Variants in COL5A2 observed in about 807,000 individuals in gnomAD.
COL5A2 encodes the protein collagen type V alpha 2 chain, also known as collagen alpha-2(V) chain.
COL5A2 carries 23 observed loss-of-function variants against 208.2 expected under a neutral mutation model. The ratio of observed to expected loss-of-function variants is 0.11; its 90% CI spans 0.08 to 0.16. The LOEUF is 0.16. COL5A2 is among the 10% of genes least tolerant of loss of function. The pLI is 1.00. For missense variants in COL5A2, 1,590 were observed against 1,956.4 expected (o/e 0.81, Z 3.53); for synonymous variants, 625 against 628.5 (o/e 0.99, Z 0.08).
Position 189,065,033 on chromosome 2 carries a change from G to A in COL5A2, c.1588C>T (p.Pro530Ser), listed in dbSNP as rs772872008. 6.2e-7 allele frequency: 1 copy of A among 1,613,828 alleles called. No individual in the cohort carries two copies. Among genetic ancestry groups the A allele is most frequent in the South Asian group, 1.1e-5 (1 of 91,030 alleles). Residue 530 changes from proline (P) to serine (S), a missense_variant, in exon 24 of 54, where the codon CCA (proline) becomes TCA (serine). Coordinates refer to ENST00000374866, the MANE Select transcript of COL5A2 (RefSeq NM_000393.5). ...GGCCCAGGTAAACCATCAGAGCCTG[G>A]AAAACCACGATTGCCAGGAGCACCC... is the stretch of plus-strand genomic sequence containing the variant. ...ERGAPGNRGF[P>S]GSDGLPGPKG...
At chr2:189,292,696 C>T in the COL5A2 span, among the ~76,000 whole-genome samples, 12 of 152,260 alleles carry the variant, frequency 7.9e-5, no homozygotes, top group South Asian at 2.1e-4. Context: ...GTCAGTGTGG[C>T]GATTCCTCAG....
At position 189,173,380 on chromosome 2, in the gene COL5A2, C is replaced by A. The variant is rs139722649; in HGVS notation, c.97+6128G>T. On this transcript the variant is annotated intron_variant, in intron 1 of 53. Coordinates refer to ENST00000374866, the MANE Select transcript of COL5A2 (RefSeq NM_000393.5). ...AATATTTTAGTATAAGATGAAGCCA[C>A]CTTGATTTATTTGAAGGGTTTAGTT... is the stretch of plus-strand genomic sequence containing the variant. Among the ~76,000 whole-genome samples the A allele has an allele frequency of 5.9e-5, 9 of 152,144 alleles. No individual in the cohort carries two copies. In the East Asian group the frequency reaches 1.7e-3, roughly 29 times the overall value.
At chr2:189,229,782 A>C (rs1689458535), upstream of COL5A2, among the ~76,000 whole-genome samples, 1 of 151,840 alleles carries the variant, frequency 6.6e-6, no homozygotes, top group African/African-American at 2.4e-5. Context: ...ATTTAATACA[A>C]TCTCTATCAA....
At chr2:189,193,042 C>T (rs1209845250) in intron 1 of COL5A2, among the ~76,000 whole-genome samples, 2 of 152,226 alleles carry the variant, frequency 1.3e-5, no homozygotes, top group African/African-American at 4.8e-5. Context: ...TACCTTCTGC[C>T]ATGGGATGAC....
chr2:189,274,377 C>A, the COL5A2 span, among the ~76,000 whole-genome samples: 1 of 152,148 alleles, frequency 6.6e-6, no homozygotes, highest in Non-Finnish European at 1.5e-5. Context: ...CATCACACAA[C>A]ACATAGCATT....
intron 24 of COL5A2, 122 bp from the exon 25 acceptor site, chr2:189,064,777 A>G: frequency 1.2e-6 from 1 of 851,614 alleles, no homozygotes; most frequent in South Asian, 1.4e-5. Flanking sequence ...AGGCACTGAT[A>G]TAACGTATAA....
the COL5A2 span, among the ~76,000 whole-genome samples, chr2:189,398,495 AC>A: frequency 1.3e-5 from 2 of 152,070 alleles, no homozygotes; most frequent in African/African-American, 4.8e-5. Flanking sequence ...AAAGATTGAA[AC>A]TTTTACCATT....
At position 189,093,463 on chromosome 2, in the gene COL5A2, G is replaced by A. The variant is rs561204094; in HGVS notation, c.457-1043C>T. Among the ~76,000 whole-genome samples the A allele has an allele frequency of 1.5e-4, 23 of 152,300 alleles. No homozygotes were observed. The South Asian group carries it at 3.9e-3, about 26-fold the overall frequency. ...CAAATAGGAGCTGATAGTGCAGAGGGAGCAAACACAGGACAAGCTCAGGTG... is the reference window on the plus strand; with the variant it reads ...CAAATAGGAGCTGATAGTGCAGAGGAAGCAAACACAGGACAAGCTCAGGTG... On this transcript the variant is annotated intron_variant, in intron 6 of 53. Transcript: ENST00000374866.
intron 35 of COL5A2, among the ~76,000 whole-genome samples, chr2:189,054,918 C>CT (rs1469191252): frequency 6.6e-6 from 1 of 151,284 alleles, no homozygotes; most frequent in Non-Finnish European, 1.5e-5. Context: ...GAGTCTCGCT[C>CT]TGTCGCCTAG....
the COL5A2 span, among the ~76,000 whole-genome samples, chr2:189,324,415 A>G: frequency 4.0e-3 from 616 of 152,192 alleles, 7 homozygotes; most frequent in African/African-American, 0.014. Context: ...CAATCTACTC[A>G]TCTGACAAAG....
chr2:189,139,151 T>C (rs2105768448), intron 1 of COL5A2, among the ~76,000 whole-genome samples: 1 of 152,288 alleles, frequency 6.6e-6, no homozygotes, highest in Non-Finnish European at 1.5e-5. Flanking sequence ...GGCTCACGTC[T>C]GTAATCCCAG....
At chr2:189,383,647 GTATT>G in the COL5A2 span, among the ~76,000 whole-genome samples, 1 of 151,944 alleles carries the variant, frequency 6.6e-6, no homozygotes, top group African/African-American at 2.4e-5. Context: ...TAGTTGCACA[GTATT>G]TATGGGGTAC....
chr2:189,140,745 G>T (rs1197151959), intron 1 of COL5A2, among the ~76,000 whole-genome samples: 2 of 151,888 alleles, frequency 1.3e-5, no homozygotes, highest in East Asian at 3.9e-4. Flanking sequence ...ATAGTTTCTA[G>T]TATCAGAAGA....
chr2:189,133,294 T>C (rs113436100), intron 1 of COL5A2, among the ~76,000 whole-genome samples: 9,266 of 52,322 alleles, frequency 0.18, 343 homozygotes, highest in East Asian at 0.4. Flanking sequence ...TAATTTTTTG[T>C]ATTTTTAGTA....
chr2:189,290,767 C>A, the COL5A2 span, among the ~76,000 whole-genome samples: 1 of 126,012 alleles, frequency 7.9e-6, no homozygotes, highest in African/African-American at 2.8e-5. Flanking sequence ...TTATTATATA[C>A]AGGGAAAGGA....
the COL5A2 span, among the ~76,000 whole-genome samples, chr2:189,410,876 T>C: frequency 6.6e-6 from 1 of 152,150 alleles, no homozygotes; most frequent in African/African-American, 2.4e-5. Context: ...TATTATCCTC[T>C]TGAAGTAATA....
intron 17 of COL5A2, among the ~76,000 whole-genome samples, chr2:189,073,166 G>A (rs78932107): frequency 0.018 from 2,720 of 151,982 alleles, 84 homozygotes; most frequent in African/African-American, 0.062. Flanking sequence ...CTTGGCCCAC[G>A]TTGATCATGA....
chr2:189,358,674 T>G, the COL5A2 span, among the ~76,000 whole-genome samples: 1 of 152,320 alleles, frequency 6.6e-6, no homozygotes, highest in South Asian at 2.1e-4. Flanking sequence ...AGTGTGAACA[T>G]TTTAAAAATA....
chr2:189,097,288 T>G lies in COL5A2; in HGVS notation c.445A>C (p.Lys149Gln). 6.2e-7 allele frequency: 1 copy of G among 1,614,142 alleles called. No individual in the cohort carries two copies. The highest frequency in any genetic ancestry group is 8.5e-7 in the Non-Finnish European group (1 of 1,180,022). The stretch of plus-strand genomic sequence containing the variant: ...TCCTGTCAACTTACAGGTCTTCCTT[T>G]TGGCCCTCGCTCTCCTCTTGGTCCC... ...SQGPRGERGPKGRPGPRGPQG... is the reference protein window; with the variant it reads ...SQGPRGERGPQGRPGPRGPQG... The change falls in exon 6 of 54, where the codon AAA (lysine) becomes CAA (glutamine). Residue 149 changes from lysine to glutamine, a missense_variant. By Grantham distance (53) the Lys-to-Gln change is moderately conservative. Transcript: ENST00000374866.
Sources: allele counts gnomAD v4.1 joint callset (sites outside exome capture counted in the v4.1 genomes callset), GRCh38; gene constraint gnomAD v4.1.1; transcripts MANE v1.5; gene names NCBI Gene and HGNC (gene_info 2026-07-23, HGNC 2026-07-21).